Variants in ZNF804A observed in about 807,000 individuals in gnomAD.
The protein encoded by ZNF804A is zinc finger protein 804A.
ZNF804A carries 2 observed loss-of-function variants against 16.5 expected under a neutral mutation model. That is an observed-to-expected ratio of 0.12 (90% CI 0.05 to 0.38). ZNF804A has a LOEUF of 0.38. Ranked by LOEUF, ZNF804A falls within the 10% of genes least tolerant of loss-of-function variation. ZNF804A has a pLI of 0.99. For synonymous variants in ZNF804A, 534 were observed against 489.6 expected, an observed-to-expected ratio of 1.09 and a Z score of -1.20; for missense variants, 1,473 against 1,390.7, an observed-to-expected ratio of 1.06 and a Z score of -0.94.
intron 1 of ZNF804A, among the ~76,000 whole-genome samples, chr2:184,804,854 C>T (rs1694779486): frequency 6.6e-6 from 1 of 152,198 alleles, no homozygotes; most frequent in Admixed American, 6.5e-5. Flanking sequence ...TATAGCCGTA[C>T]ACTTCGCTAG....
chr2:184,822,747 G>A (rs947303603), intron 1 of ZNF804A, among the ~76,000 whole-genome samples: 8 of 152,040 alleles, frequency 5.3e-5, no homozygotes, highest in African/African-American at 1.7e-4. Context: ...TAGAACACAA[G>A]ACTAAATACT....
chr2:184,709,403 C>A (rs895831787), intron 1 of ZNF804A, among the ~76,000 whole-genome samples: 7 of 151,848 alleles, frequency 4.6e-5, no homozygotes, highest in African/African-American at 1.7e-4. Context: ...AAATGAATAT[C>A]TATCTATCTA....
At chr2:184,666,202 A>G (rs567523382) in intron 1 of ZNF804A, among the ~76,000 whole-genome samples, 129 of 152,274 alleles carry the variant, frequency 8.5e-4, no homozygotes, top group Non-Finnish European at 1.3e-3. Context: ...ATTTCAGTAT[A>G]TAAGAAAACT....
intron 1 of ZNF804A, among the ~76,000 whole-genome samples, chr2:184,629,788 T>C (rs1197994024): frequency 6.6e-6 from 1 of 152,146 alleles, no homozygotes; most frequent in African/African-American, 2.4e-5. Context: ...AAAATGTCTT[T>C]ACTAAATGTG....
intron 1 of ZNF804A, among the ~76,000 whole-genome samples, chr2:184,682,944 G>T (rs966344077): frequency 1.3e-5 from 2 of 152,150 alleles, no homozygotes; most frequent in African/African-American, 2.4e-5. Context: ...CAAAGTCAAG[G>T]CTGCAGTGAG....
In ZNF804A at chr2:184,626,899, A is replaced by G. The variant is rs1282205033; in HGVS notation, c.111+27829A>G. On this transcript the variant is annotated intron_variant, in intron 1 of 3. Coordinates refer to ENST00000302277, the MANE Select transcript of ZNF804A (RefSeq NM_194250.2). Reference sequence around the variant, plus strand: ...AGACATTCAAACCATGTGGACTGTCATATATATGGACTTTCACGTAACAGC... The same window carrying G: ...AGACATTCAAACCATGTGGACTGTCGTATATATGGACTTTCACGTAACAGC... Among the ~76,000 whole-genome samples the G allele has an allele frequency of 2.0e-5, 3 of 152,328 alleles. No homozygotes were observed. The South Asian group carries it at 6.2e-4, about 32-fold the overall frequency.
chr2:184,709,893 C>T (rs1199045983), intron 1 of ZNF804A, among the ~76,000 whole-genome samples: 1 of 148,576 alleles, frequency 6.7e-6, no homozygotes, highest in African/African-American at 2.5e-5. Flanking sequence ...CATAAAACAA[C>T]AAAAATCACA....
chr2:184,607,288 C>A (rs539374786), intron 1 of ZNF804A, among the ~76,000 whole-genome samples: 4 of 152,266 alleles, frequency 2.6e-5, no homozygotes, highest in African/African-American at 9.6e-5. Flanking sequence ...TATTCTCATG[C>A]TGCTATAAGG....
At chr2:184,602,160 T>G (rs1691060727) in intron 1 of ZNF804A, among the ~76,000 whole-genome samples, 1 of 151,944 alleles carries the variant, frequency 6.6e-6, no homozygotes, top group Admixed American at 6.5e-5. Context: ...AACAACATTC[T>G]TGAAGACTAA....
intron 1 of ZNF804A, among the ~76,000 whole-genome samples, chr2:184,791,813 A>C (rs1694548890): frequency 6.6e-6 from 1 of 152,144 alleles, no homozygotes; most frequent in East Asian, 1.9e-4. Context: ...AGAATAGTTT[A>C]AGAGCCCTAA....
intron 2 of ZNF804A, among the ~76,000 whole-genome samples, chr2:184,902,973 G>A (rs899069516): frequency 2.6e-5 from 4 of 152,140 alleles, no homozygotes; most frequent in African/African-American, 9.7e-5. Context: ...TACCTTAGGT[G>A]TCCCTCATTT....
At chr2:184,715,139 G>T (rs775009114) in intron 1 of ZNF804A, among the ~76,000 whole-genome samples, 5 of 152,032 alleles carry the variant, frequency 3.3e-5, no homozygotes, top group Non-Finnish European at 7.4e-5. Context: ...ATCAATTTTT[G>T]TAGTCTTCAG....
At chr2:184,695,258 G>A (rs923688611) in intron 1 of ZNF804A, among the ~76,000 whole-genome samples, 9 of 151,768 alleles carry the variant, frequency 5.9e-5, no homozygotes, top group Non-Finnish European at 1.2e-4. Flanking sequence ...TCAGGAGATC[G>A]AGACCATCCT....
chr2:184,923,874 T>C (rs1008328693), intron 2 of ZNF804A, among the ~76,000 whole-genome samples: 3 of 152,024 alleles, frequency 2.0e-5, no homozygotes, highest in Admixed American at 6.6e-5. Flanking sequence ...CTGTGTTAAA[T>C]CATCCTTGTC....
intron 2 of ZNF804A, among the ~76,000 whole-genome samples, chr2:184,899,859 C>T (rs768517873): frequency 3.3e-5 from 5 of 151,656 alleles, no homozygotes; most frequent in African/African-American, 7.3e-5. Flanking sequence ...TTTAGATTGT[C>T]GTTTTTCTAA....
intron 1 of ZNF804A, among the ~76,000 whole-genome samples, chr2:184,729,126 A>T (rs565850180): frequency 6.6e-6 from 1 of 152,040 alleles, no homozygotes; most frequent in South Asian, 2.1e-4. Flanking sequence ...TGAACATCAC[A>T]GTGAGAACAA....
chr2:184,817,587 A>G (rs532789603), intron 1 of ZNF804A, among the ~76,000 whole-genome samples: 1 of 152,148 alleles, frequency 6.6e-6, no homozygotes, highest in South Asian at 2.1e-4. Context: ...GGCTTCAGAA[A>G]GTGGGTAATA....
chr2:184,830,676 A>G (rs543167202), intron 1 of ZNF804A, among the ~76,000 whole-genome samples: 2 of 152,250 alleles, frequency 1.3e-5, no homozygotes, highest in East Asian at 3.9e-4. Context: ...TTTAAAAAGA[A>G]AACTGTTAGT....
At chr2:184,709,188 C>T (rs1693084015) in intron 1 of ZNF804A, among the ~76,000 whole-genome samples, 1 of 152,076 alleles carries the variant, frequency 6.6e-6, no homozygotes, top group Non-Finnish European at 1.5e-5. Flanking sequence ...TACAACAATC[C>T]TCCACTTGGT....
Sources: gnomAD v4.1 joint callset for allele counts (sites outside exome capture counted in the v4.1 genomes callset) on GRCh38, gnomAD v4.1.1 for gene constraint, MANE v1.5 for transcripts, NCBI Gene and HGNC (gene_info 2026-07-23, HGNC 2026-07-21) for gene names.